RGS17: variants seen among roughly 807,000 people sequenced by gnomAD.
RGS17 encodes the protein regulator of G-protein signaling 17.
A neutral mutation model predicts 25.5 loss-of-function variants in RGS17; 12 were observed. That is an observed-to-expected ratio of 0.47 (90% confidence interval 0.30 to 0.76). The LOEUF is 0.76. RGS17 is among the 30% of genes least tolerant of loss of function. The pLI is 0.07. For missense variants in RGS17, 196 were observed against 242.2 expected (o/e 0.81, Z 1.27); for synonymous variants, 71 against 76.9 (o/e 0.92, Z 0.40).
chr6:153,027,441 T>C (rs562986646), intron 2 of RGS17, among the ~76,000 whole-genome samples: 10 of 152,022 alleles, frequency 6.6e-5, no homozygotes, highest in Admixed American at 6.5e-4. Flanking sequence ...TCGGGAAAAT[T>C]TGAGCTCCCA....
At chr6:153,072,859 G>A (rs907427390) in intron 1 of RGS17, among the ~76,000 whole-genome samples, 5 of 151,986 alleles carry the variant, frequency 3.3e-5, no homozygotes, top group African/African-American at 1.2e-4. Context: ...CTTAATACCT[G>A]TTCATGGTTT....
At chr6:153,050,363 T>G (rs1388257022) in intron 1 of RGS17, among the ~76,000 whole-genome samples, 3 of 152,056 alleles carry the variant, frequency 2.0e-5, no homozygotes, top group Non-Finnish European at 4.4e-5. Context: ...CAAAGGAATA[T>G]TATCCGTAAT....
chr6:153,045,085 T>C (rs1480887155), intron 1 of RGS17, among the ~76,000 whole-genome samples: 1 of 152,204 alleles, frequency 6.6e-6, no homozygotes, highest in Non-Finnish European at 1.5e-5. Context: ...TATTTTAAAA[T>C]GATATTTTCA....
At chr6:153,014,306 A>G (rs1584117184) in intron 4 of RGS17, among the ~76,000 whole-genome samples, 3 of 152,290 alleles carry the variant, frequency 2.0e-5, no homozygotes, top group East Asian at 1.9e-4. Flanking sequence ...TTTTAAGCCC[A>G]CTGTCGAGCC....
At chr6:153,116,449 A>C (rs1300357253) in intron 1 of RGS17, among the ~76,000 whole-genome samples, 6 of 152,214 alleles carry the variant, frequency 3.9e-5, no homozygotes, top group Admixed American at 3.9e-4. Flanking sequence ...ATGTGGAGAA[A>C]TAGGAACGCT....
intron 1 of RGS17, among the ~76,000 whole-genome samples, chr6:153,082,583 GT>G (rs1777000577): frequency 6.6e-6 from 1 of 151,890 alleles, no homozygotes; most frequent in African/African-American, 2.4e-5. Context: ...TCATGTTCAT[GT>G]TTTCATTTAA....
chr6:153,110,386 A>G (rs1005586049), intron 1 of RGS17, among the ~76,000 whole-genome samples: 2 of 150,822 alleles, frequency 1.3e-5, no homozygotes, highest in African/African-American at 4.9e-5. Flanking sequence ...AACTTGCTTT[A>G]TACTTTAGGC....
intron 1 of RGS17, among the ~76,000 whole-genome samples, chr6:153,126,991 A>T (rs1398955114): frequency 1.3e-5 from 2 of 152,204 alleles, no homozygotes; most frequent in African/African-American, 4.8e-5. Flanking sequence ...GTTTCATGGA[A>T]GACAATTTTT....
chr6:153,092,355 C>G (rs1584153190), intron 1 of RGS17, among the ~76,000 whole-genome samples: 1 of 152,264 alleles, frequency 6.6e-6, no homozygotes, highest in Non-Finnish European at 1.5e-5. Flanking sequence ...TGCTTTAGGA[C>G]AAGTCAAAAG....
At chr6:153,062,565 A>G (rs1372983250) in intron 1 of RGS17, among the ~76,000 whole-genome samples, 1 of 152,128 alleles carries the variant, frequency 6.6e-6, no homozygotes, top group Non-Finnish European at 1.5e-5. Context: ...AGCTACAAGG[A>G]CTACAACTTT....
rs1197990953 is a variant in RGS17 at position 153,070,701 on chromosome 6, G to GTGTGTGTGTA, written c.-25-26659_-25-26658insTACACACACA. The stretch of plus-strand genomic sequence containing the variant: ...TGTGTGTGTGTGTGTGTGTGTGTGT[G>GTGTGTGTGTA]TATATACATATATATATACACATAT... On this transcript the variant is annotated intron_variant, in intron 1 of 4. Transcript: ENST00000206262. Among the ~76,000 whole-genome samples the GTGTGTGTGTA allele has an allele frequency of 6.4e-3, 666 of 104,724 alleles. 9 individuals carry two copies. Among genetic ancestry groups the GTGTGTGTGTA allele is most frequent in the East Asian group, 0.061 (257 of 4,230 alleles). 68.7% of individuals were successfully genotyped at this position (104,724 alleles called of 152,430 possible).
At chr6:153,025,157 T>G (rs75769372) in intron 3 of RGS17, among the ~76,000 whole-genome samples, 2 of 140,514 alleles carry the variant, frequency 1.4e-5, no homozygotes, top group Admixed American at 1.4e-4. Flanking sequence ...AAAAAAAAAA[T>G]TAAAAAATTA....
chr6:153,048,782 C>T (rs935841183), intron 1 of RGS17, among the ~76,000 whole-genome samples: 1 of 152,194 alleles, frequency 6.6e-6, no homozygotes, highest in African/African-American at 2.4e-5. Flanking sequence ...CTCACCTCAT[C>T]CCCAGTATGA....
At chr6:153,084,237 T>G (rs939760360) in intron 1 of RGS17, among the ~76,000 whole-genome samples, 2 of 152,200 alleles carry the variant, frequency 1.3e-5, no homozygotes, top group African/African-American at 2.4e-5. Flanking sequence ...TTCTCTACAG[T>G]TGCTCCATTT....
At chr6:153,070,935 G>A (rs903712772) in intron 1 of RGS17, among the ~76,000 whole-genome samples, 2 of 149,368 alleles carry the variant, frequency 1.3e-5, no homozygotes, top group Non-Finnish European at 3.0e-5. Flanking sequence ...ATCTGTACAT[G>A]CACATGTGTA....
chr6:153,055,788 G>C (rs886771735), intron 1 of RGS17, among the ~76,000 whole-genome samples: 1 of 152,132 alleles, frequency 6.6e-6, no homozygotes, highest in Non-Finnish European at 1.5e-5. Flanking sequence ...TCATTGTCGT[G>C]CATTAGTTAT....
intron 1 of RGS17, among the ~76,000 whole-genome samples, chr6:153,062,028 A>T (rs1776645838): frequency 6.6e-6 from 1 of 152,196 alleles, no homozygotes; most frequent in African/African-American, 2.4e-5. Flanking sequence ...CAAGGTAAAA[A>T]TTTGTTGGAG....
intron 4 of RGS17, among the ~76,000 whole-genome samples, chr6:153,020,118 A>ATATATATATATATATT (rs1562312978): frequency 7.6e-5 from 6 of 78,830 alleles, no homozygotes; most frequent in African/African-American, 2.9e-4. Context: ...AAAAATATAT[A>ATATATATATATATATT]TATATATATA....
intron 2 of RGS17, among the ~76,000 whole-genome samples, chr6:153,037,449 A>C (rs1177473406): frequency 1.4e-5 from 2 of 147,474 alleles, no homozygotes; most frequent in Admixed American, 6.7e-5. Flanking sequence ...TTTTTTTGAG[A>C]CAGAGTCTCT....
Sources: gnomAD v4.1 joint callset for allele counts (sites outside exome capture counted in the v4.1 genomes callset) on GRCh38, gnomAD v4.1.1 for gene constraint, MANE v1.5 for transcripts, NCBI Gene and HGNC (gene_info 2026-07-23, HGNC 2026-07-21) for gene names.